The following UBR4 variants were observed in gnomAD, a reference collection of about 807,000 sequenced individuals.
The protein encoded by UBR4 is ubiquitin protein ligase E3 component n-recognin 4, also known as E3 ubiquitin-protein ligase UBR4.
A neutral mutation model predicts 575.6 loss-of-function variants in UBR4; 124 were observed. The observed-to-expected ratio is 0.22, with a 90% CI of 0.19 to 0.25. The LOEUF (loss-of-function observed/expected upper bound fraction) is 0.25. Among genes scored for constraint, UBR4 ranks in the 10% least tolerant of loss-of-function variants. UBR4 has a pLI of 1.00. For synonymous variants in UBR4, 2,455 were observed against 2,473.7 expected (o/e 0.99, Z 0.22); for missense variants, 4,818 against 6,478.8 (o/e 0.74, Z 8.80).
intron 49 of UBR4, chr1:19,149,939 G>A (rs2085423473): frequency 4.0e-5 from 19 of 470,962 alleles, no homozygotes; most frequent in South Asian, 3.8e-4. Flanking sequence ...GGCTGGTGGT[G>A]GGAGGCAGTG....
chr1:19,096,780 G>C lies in UBR4; in HGVS notation c.13391-130C>G, dbSNP rs564296695. 2.9e-6 allele frequency: 4 copies of C among 1,358,638 alleles called. No individual in the cohort carries two copies. In the African/African-American group the frequency reaches 4.4e-5, roughly 15 times the overall value. 84.2% of individuals were successfully genotyped at this position (1,358,638 alleles called of 1,614,324 possible). ...TTTTCCGTATCTCCAATAAAGACACGGCCAATAAAAGGGGTCAATGATGGA... is the reference window on the plus strand; with the variant it reads ...TTTTCCGTATCTCCAATAAAGACACCGCCAATAAAAGGGGTCAATGATGGA... On this transcript the variant is annotated intron_variant, in intron 91 of 105. Transcript: ENST00000375254.
rs74348473 is a variant in UBR4 at position 19,163,886 on chromosome 1, C to T, written c.4701-59G>A. 8,570 of 1,544,644 alleles carry T rather than the reference C, an allele frequency of 5.5e-3. 37 individuals carry two copies. The highest frequency in any genetic ancestry group is 8.7e-3 in the Admixed American group (521 of 59,732). ...GACACAAAATCATCGAAGAAACCAACGAAATGAGGCATCTTCATTAACTTT... is the reference window on the plus strand; with the variant it reads ...GACACAAAATCATCGAAGAAACCAATGAAATGAGGCATCTTCATTAACTTT... On this transcript the variant is annotated intron_variant, in intron 33 of 105. Transcript: ENST00000375254.
In UBR4 at chr1:19,153,194, A is replaced by T. The variant is rs954451805; in HGVS notation, c.6832+107T>A. 3.0e-5 allele frequency: 38 copies of T among 1,267,162 alleles called. No individual in the cohort carries two copies. The highest frequency in any genetic ancestry group is 1.9e-4 in the Middle Eastern group (1 of 5,226). 78.5% of individuals were successfully genotyped at this position (1,267,162 alleles called of 1,614,324 possible). On this transcript the variant is annotated intron_variant, in intron 46 of 105. Transcript: ENST00000375254. The surrounding 1 kb of genome is among the most constrained non-coding windows in gnomAD (Gnocchi z 4.1). ...AATTAACTTTACAAAATGTGCAAGTAGGACAGTCACATTTCTTCACAGATA... is the reference window on the plus strand; with the variant it reads ...AATTAACTTTACAAAATGTGCAAGTTGGACAGTCACATTTCTTCACAGATA...
At chr1:19,147,728 T>G (rs1427982438) in intron 51 of UBR4, among the ~76,000 whole-genome samples, 1 of 124,384 alleles carries the variant, frequency 8.0e-6, no homozygotes, top group Non-Finnish European at 1.9e-5. Flanking sequence ...CCACGCTCAA[T>G]ATCCCTCCTT....
intron 1 of UBR4, among the ~76,000 whole-genome samples, chr1:19,209,270 C>G (rs1279471105): frequency 1.3e-5 from 2 of 152,170 alleles, no homozygotes; most frequent in Non-Finnish European, 2.9e-5. Context: ...AAGCAAAAGT[C>G]TACCATTAAA....
intron 60 of UBR4, among the ~76,000 whole-genome samples, chr1:19,136,213 T>C (rs2149838641): frequency 6.6e-6 from 1 of 151,948 alleles, no homozygotes; most frequent in East Asian, 1.9e-4. Context: ...AGGAAAAAAA[T>C]AATCCTGGAT....
chr1:19,108,399 A>G (rs1424435972), intron 81 of UBR4, among the ~76,000 whole-genome samples: 1 of 152,146 alleles, frequency 6.6e-6, no homozygotes, highest in East Asian at 1.9e-4. Flanking sequence ...TTTTTCAAGC[A>G]CAAGCGGAGA....
chr1:19,172,495 C>A (rs796571932), intron 25 of UBR4, among the ~76,000 whole-genome samples: 10 of 151,972 alleles, frequency 6.6e-5, no homozygotes, highest in African/African-American at 2.4e-4. Context: ...CCAGCCTGGG[C>A]GACAGAGCGA....
chr1:19,144,065 T>C lies in UBR4; in HGVS notation c.8094A>G (p.Lys2698=), dbSNP rs1362929010. 1 of 1,613,894 alleles carries C rather than the reference T, an allele frequency of 6.2e-7. No individual in the cohort carries two copies. The highest frequency in any genetic ancestry group is 2.2e-5 in the East Asian group (1 of 44,890). Residue 2698 remains lysine (K), a synonymous_variant, in exon 55 of 106, where the codon AAA becomes AAG. Transcript: ENST00000375254. ...GCCTTAGGACTCGAATTAGAGCTTG[T>C]TTACAAGAGAAGCTCACAGCAGGAT... is the stretch of plus-strand genomic sequence containing the variant. ...CPDPAVSFSC[K]QALIRVLRPR...
At chr1:19,140,102 G>GA (rs905999206) in intron 58 of UBR4, among the ~76,000 whole-genome samples, 21 of 150,800 alleles carry the variant, frequency 1.4e-4, no homozygotes, top group South Asian at 2.1e-4. Context: ...CAAAAGAAAA[G>GA]AAAAAAAACA....
intron 34 of UBR4, 77 bp downstream of exon 34, chr1:19,163,687 G>T: frequency 1.3e-6 from 2 of 1,486,716 alleles, no homozygotes; most frequent in South Asian, 1.1e-5. Flanking sequence ...CAATAGGAAC[G>T]AGAGACTTCC....
chr1:19,175,851 T>G (rs2090191642), intron 20 of UBR4, among the ~76,000 whole-genome samples: 1 of 152,112 alleles, frequency 6.6e-6, no homozygotes, highest in Non-Finnish European at 1.5e-5. Flanking sequence ...TGGAGTACAG[T>G]GGCGTGATCA....
chr1:19,203,665 T>C (rs1389876325), intron 1 of UBR4, among the ~76,000 whole-genome samples: 1 of 152,162 alleles, frequency 6.6e-6, no homozygotes, highest in Non-Finnish European at 1.5e-5. Context: ...TGAATAACAC[T>C]TGAGAGTCTG....
chr1:19,117,262 A>G lies in UBR4; in HGVS notation c.10782T>C (p.Tyr3594=). The G allele has an allele frequency of 6.2e-7, 1 of 1,614,136 alleles. No homozygotes were observed. Among genetic ancestry groups the G allele is most frequent in the Non-Finnish European group, 8.5e-7 (1 of 1,180,018 alleles). ...TKMVRTINLY[Y]NNRTVQAIVE... is the part of the protein sequence containing the mutation. ...CGATGGCCTGCACGGTTCGGTTGTT[A>G]TAATACAGGTTGATGGTCCGCACCA... is the stretch of plus-strand genomic sequence containing the variant. Residue 3594 remains tyrosine (Y), a synonymous_variant, in exon 73 of 106, where the codon TAT becomes TAC. Transcript: ENST00000375254. The surrounding 1 kb of genome is among the most constrained non-coding windows in gnomAD (Gnocchi z 4.0).
chr1:19,152,390 C>T lies in UBR4; in HGVS notation c.6919G>A (p.Asp2307Asn), dbSNP rs1332605600. ...QLTDVEFGGN[D>N]LLQVYNAQQI... ...TGTGCATTATAGACCTGTAGGAGGTCGTTACCACCAAACTCCACATCTGTC... is the reference window on the plus strand; with the variant it reads ...TGTGCATTATAGACCTGTAGGAGGTTGTTACCACCAAACTCCACATCTGTC... The change falls in exon 47 of 106, where the codon GAC becomes AAC. Residue 2307 changes from aspartate to asparagine, a missense_variant. Coordinates refer to ENST00000375254, the MANE Select transcript of UBR4 (RefSeq NM_020765.3). The surrounding 1 kb of genome is among the most constrained non-coding windows in gnomAD (Gnocchi z 4.4). 2.5e-6 allele frequency: 4 copies of T among 1,613,800 alleles called. No homozygotes were observed. Among genetic ancestry groups the T allele is most frequent in the African/African-American group, 2.7e-5 (2 of 74,906 alleles).
At position 19,126,538 on chromosome 1, in the gene UBR4, C is replaced by T; in HGVS notation, c.9346G>A (p.Glu3116Lys). Reference sequence around the variant, plus strand: ...AACTGGCTGGTAGCCACAGGCTCCTCGTCATTCTGTTGGCTCTTCCAATAT... The same window carrying T: ...AACTGGCTGGTAGCCACAGGCTCCTTGTCATTCTGTTGGCTCTTCCAATAT... ...LEYWKSQQND[E>K]EPVATSQLLK... Residue 3116 changes from glutamate to lysine, a missense_variant, in exon 64 of 106, where the codon GAG (glutamate) becomes AAG (lysine). Glu to Lys is a moderately conservative substitution (Grantham distance 56). Coordinates refer to ENST00000375254, the MANE Select transcript of UBR4 (RefSeq NM_020765.3). 1.9e-6 allele frequency: 3 copies of T among 1,614,172 alleles called. No homozygotes were observed. Among genetic ancestry groups the T allele is most frequent in the Non-Finnish European group, 1.7e-6 (2 of 1,180,022 alleles).
intron 9 of UBR4, 97 bp downstream of exon 9, chr1:19,193,336 C>T: frequency 1.3e-6 from 2 of 1,519,624 alleles, no homozygotes; most frequent in Non-Finnish European, 1.8e-6. Context: ...GTGGAGAATA[C>T]TCTAAGTTCT....
chr1:19,198,496 T>G (rs765396222), intron 5 of UBR4, 45 bp downstream of exon 5: 5 of 1,592,280 alleles, frequency 3.1e-6, no homozygotes, highest in Non-Finnish European at 4.3e-6. Flanking sequence ...GTTATCATCT[T>G]AACAAAACCC....
chr1:19,180,029 AC>A (rs1445857206), intron 17 of UBR4, among the ~76,000 whole-genome samples: 5 of 152,196 alleles, frequency 3.3e-5, no homozygotes, highest in Non-Finnish European at 5.9e-5. Context: ...CGTGGACTAC[AC>A]AGTTACCATA....
Sources: gnomAD v4.1 joint callset for allele counts (sites outside exome capture counted in the v4.1 genomes callset) on GRCh38, gnomAD v4.1.1 for gene constraint, Gnocchi (gnomAD v3.1) non-coding constraint, MANE v1.5 for transcripts, NCBI Gene and HGNC (gene_info 2026-07-23, HGNC 2026-07-21) for gene names.